The following AGBL1 variants were observed in gnomAD, a reference collection of about 807,000 sequenced individuals.
AGBL1 encodes the protein AGBL carboxypeptidase 1.
In AGBL1, 130 loss-of-function variants were observed where a neutral mutation model predicts 118.9. That is an observed-to-expected ratio of 1.09 (90% confidence interval 0.95 to 1.26). AGBL1 has a LOEUF of 1.26. Ranked by LOEUF, AGBL1 falls within the 50% of genes most tolerant of loss-of-function variation. The pLI is 0.00. For synonymous variants in AGBL1, 555 were observed against 478.9 expected, an observed-to-expected ratio of 1.16 and a Z score of -2.08; for missense variants, 1,584 against 1,298.1, an observed-to-expected ratio of 1.22 and a Z score of -3.38.
intron 22 of AGBL1, among the ~76,000 whole-genome samples, chr15:86,703,594 A>C (rs1419280230): frequency 6.6e-6 from 1 of 152,132 alleles, no homozygotes; most frequent in Non-Finnish European, 1.5e-5. Flanking sequence ...TGTCACCTTG[A>C]ATTGTAATAA....
intron 21 of AGBL1, among the ~76,000 whole-genome samples, chr15:86,625,257 T>C (rs1284219003): frequency 6.6e-6 from 1 of 152,140 alleles, no homozygotes; most frequent in African/African-American, 2.4e-5. Context: ...GTGGATCCTT[T>C]CAACTTCTGA....
intron 22 of AGBL1, among the ~76,000 whole-genome samples, chr15:86,870,736 TC>T (rs1425707564): frequency 6.6e-6 from 1 of 152,134 alleles, no homozygotes; most frequent in Non-Finnish European, 1.5e-5. Flanking sequence ...TGCAGTGTAA[TC>T]ATGGCCCTGA....
intron 22 of AGBL1, among the ~76,000 whole-genome samples, chr15:86,831,601 TG>T (rs2079104607): frequency 1.3e-5 from 2 of 152,222 alleles, no homozygotes; most frequent in Non-Finnish European, 2.9e-5. Flanking sequence ...ATCCAGGTCA[TG>T]CTGATGCAAG....
rs745702105 is a variant in AGBL1, at chr15:86,907,171, C to T, written c.3243C>T (p.Asn1081=). The change falls in exon 23 of 23, where the codon AAC becomes AAT. Residue 1081 remains asparagine, a synonymous_variant. Transcript: ENST00000614907. ...CLEEIDYSTD[N]SSDQEGSLSE... ...AGGAGATTGATTACAGTACCGACAA[C>T]AGCTCAGACCAGGAAGGGAGCTTGT... is the stretch of plus-strand genomic sequence containing the variant. 2.6e-5 allele frequency: 4 copies of T among 152,238 alleles called. No individual in the cohort carries two copies. The highest frequency in any genetic ancestry group is 7.2e-5 in the African/African-American group (3 of 41,428). The allele number at this position is 152,238 out of a possible 1,614,324, so 9.4% of individuals were successfully genotyped here. A position where few individuals can be genotyped will look rare whatever the true frequency, so the allele number is the denominator to read the frequency against.
chr15:86,359,388 T>TA (rs2080769440), intron 17 of AGBL1, among the ~76,000 whole-genome samples: 2 of 11,220 alleles, frequency 1.8e-4, no homozygotes, highest in African/African-American at 7.3e-4. Context: ...ATTGGTTTTC[T>TA]TTTTTTTTTT....
chr15:86,943,985 C>T (rs2080786042), intron 23 of AGBL1, among the ~76,000 whole-genome samples: 1 of 152,084 alleles, frequency 6.6e-6, no homozygotes, highest in Admixed American at 6.5e-5. Flanking sequence ...CACGAACTTT[C>T]TCTGCCACAG....
At chr15:86,359,605 G>A (rs1169619388) in intron 17 of AGBL1, among the ~76,000 whole-genome samples, 1 of 151,418 alleles carries the variant, frequency 6.6e-6, no homozygotes, top group Non-Finnish European at 1.5e-5. Context: ...TTTTGACAAG[G>A]ATTGCATTGA....
At chr15:86,255,057 G>C (rs771947645) in intron 7 of AGBL1, among the ~76,000 whole-genome samples, 19 of 152,058 alleles carry the variant, frequency 1.2e-4, no homozygotes, top group Non-Finnish European at 2.4e-4. Flanking sequence ...CAACAAAAAA[G>C]ACATGATTAT....
intron 22 of AGBL1, among the ~76,000 whole-genome samples, chr15:86,787,104 TTTGA>T (rs1198207400): frequency 4.6e-5 from 7 of 152,194 alleles, no homozygotes; most frequent in Middle Eastern, 3.2e-3. Context: ...ATGGGTATTC[TTTGA>T]TTGTTTTTTA....
At chr15:86,392,705 C>T (rs117433359) in intron 17 of AGBL1, among the ~76,000 whole-genome samples, 2 of 152,166 alleles carry the variant, frequency 1.3e-5, no homozygotes, top group Non-Finnish European at 2.9e-5. Context: ...CAATCCCCTA[C>T]TTGTTCCTAA....
At chr15:86,722,666 TTAAAC>T (rs1295241218) in intron 22 of AGBL1, among the ~76,000 whole-genome samples, 2 of 152,154 alleles carry the variant, frequency 1.3e-5, no homozygotes, top group Non-Finnish European at 2.9e-5. Context: ...TGGGATCTAA[TTAAAC>T]TAAAGAGCTT....
chr15:87,007,290 C>T (rs2081514661), intron 24 of AGBL1, among the ~76,000 whole-genome samples: 1 of 151,980 alleles, frequency 6.6e-6, no homozygotes, highest in Non-Finnish European at 1.5e-5. Flanking sequence ...TGTAATGAAA[C>T]TAACAGAATA....
chr15:86,748,900 T>G (rs529932273), intron 22 of AGBL1, among the ~76,000 whole-genome samples: 1 of 152,122 alleles, frequency 6.6e-6, no homozygotes, highest in African/African-American at 2.4e-5. Context: ...CCATGCTCTT[T>G]TGGTTACTGT....
chr15:86,356,972 T>C (rs1381475992), intron 17 of AGBL1, among the ~76,000 whole-genome samples: 2 of 152,248 alleles, frequency 1.3e-5, no homozygotes, highest in African/African-American at 4.8e-5. Context: ...TCTATTCCCA[T>C]GTTGCCTGAG....
intron 18 of AGBL1, among the ~76,000 whole-genome samples, chr15:86,507,660 A>G (rs1218319615): frequency 6.6e-6 from 1 of 152,076 alleles, no homozygotes; most frequent in Middle Eastern, 3.2e-3. Flanking sequence ...ATGACATTTG[A>G]ACAGAAACTT....
chr15:86,143,533 T>A (rs1457292227), intron 2 of AGBL1, among the ~76,000 whole-genome samples, 166 bp from the exon 3 acceptor site: 1 of 152,224 alleles, frequency 6.6e-6, no homozygotes, highest in East Asian at 1.9e-4. Flanking sequence ...CCTCTTCCCT[T>A]AACTGATAGT....
rs1596336539 is a variant in AGBL1 at position 86,649,411 on chromosome 15, T to C, written c.2995-24862T>C. ...TTCAACAAGAGAGTAGGAGAATGAA[T>C]GGGCAAAAGAAACATACTGTGATGA... is the stretch of plus-strand genomic sequence containing the variant. On this transcript the variant is annotated intron_variant, in intron 21 of 22. Coordinates refer to ENST00000614907, the MANE Select transcript of AGBL1 (RefSeq NM_001386094.1). 3.3e-5 allele frequency among the ~76,000 whole-genome samples: 5 copies of C among 152,280 alleles called. No homozygotes were observed. The South Asian group carries it at 1.0e-3, about 32-fold the overall frequency.
chr15:86,129,151 G>A lies in AGBL1; in HGVS notation c.52-12853G>A, dbSNP rs377221480. ...AAAATGAATATAATGTCTCATTCTAGATCAAAGCCACACCCTCAATTTAAT... is the reference window on the plus strand; with the variant it reads ...AAAATGAATATAATGTCTCATTCTAAATCAAAGCCACACCCTCAATTTAAT... On this transcript the variant is annotated intron_variant, in intron 1 of 22. Transcript: ENST00000614907. Among the ~76,000 whole-genome samples the A allele has an allele frequency of 1.9e-4, 29 of 152,288 alleles. No individual in the cohort carries two copies. In the South Asian group the frequency reaches 5.6e-3, roughly 29 times the overall value.
chr15:86,652,541 A>G (rs2085392399), intron 21 of AGBL1, among the ~76,000 whole-genome samples: 1 of 152,132 alleles, frequency 6.6e-6, no homozygotes. Flanking sequence ...ATAGTTATGT[A>G]GATACCTACC....
Sources: gnomAD v4.1 joint callset for allele counts (sites outside exome capture counted in the v4.1 genomes callset) on GRCh38, gnomAD v4.1.1 for gene constraint, MANE v1.5 for transcripts, NCBI Gene and HGNC (gene_info 2026-07-23, HGNC 2026-07-21) for gene names.